The following RNF217 variants were observed in gnomAD, a reference collection of about 807,000 sequenced individuals.
RNF217 encodes the protein ring finger protein 217.
A neutral mutation model predicts 57.8 loss-of-function variants in RNF217; 31 were observed. The ratio of observed to expected loss-of-function variants is 0.54; its 90% confidence interval spans 0.40 to 0.72. RNF217 has a LOEUF of 0.72. RNF217 is among the 30% of genes least tolerant of loss of function. The pLI, the probability that RNF217 is intolerant of heterozygous loss-of-function variation, is 0.00. For synonymous variants in RNF217, 313 were observed against 294.0 expected, an observed-to-expected ratio of 1.06 and a Z score of -0.66; for missense variants, 696 against 708.3, an observed-to-expected ratio of 0.98 and a Z score of 0.20.
intron 1 of RNF217, among the ~76,000 whole-genome samples, chr6:124,992,066 C>A (rs554498327): frequency 6.6e-6 from 1 of 152,204 alleles, no homozygotes; most frequent in South Asian, 2.1e-4. Flanking sequence ...GTTAACATTG[C>A]AAATTCTGAT....
chr6:125,030,946 C>T (rs1421757541), intron 1 of RNF217, among the ~76,000 whole-genome samples: 1 of 152,222 alleles, frequency 6.6e-6, no homozygotes, highest in Non-Finnish European at 1.5e-5. Context: ...CACACTTTTG[C>T]CTGGGCATCC....
chr6:125,057,803 C>T lies in RNF217; in HGVS notation c.1117-139C>T, dbSNP rs1340784568. The stretch of plus-strand genomic sequence containing the variant: ...TGTAGTAACAGAGTATTCATATCTT[C>T]CTGTAGTTTGAGTCTTATAGAGGGG... On this transcript the variant is annotated intron_variant, in intron 2 of 5. Coordinates refer to ENST00000521654, the MANE Select transcript of RNF217 (RefSeq NM_001286398.3). 3 of 611,310 alleles carry T rather than the reference C, an allele frequency of 4.9e-6. No homozygotes were observed. In the African/African-American group the frequency reaches 5.6e-5, roughly 11 times the overall value. 37.9% of individuals were successfully genotyped at this position (611,310 alleles called of 1,614,324 possible).
intron 2 of RNF217, among the ~76,000 whole-genome samples, chr6:125,047,912 T>A (rs915910137): frequency 1.3e-5 from 2 of 152,082 alleles, no homozygotes; most frequent in African/African-American, 4.8e-5. Flanking sequence ...AATTTGAGGA[T>A]GATTATTTTT....
At chr6:125,030,788 C>A (rs372398538) in intron 1 of RNF217, among the ~76,000 whole-genome samples, 2 of 152,052 alleles carry the variant, frequency 1.3e-5, no homozygotes, top group Non-Finnish European at 1.5e-5. Flanking sequence ...GGTGGATGTA[C>A]CATTCTGGGG....
chr6:125,050,802 AAC>A (rs1423898595), intron 2 of RNF217, among the ~76,000 whole-genome samples: 1 of 151,716 alleles, frequency 6.6e-6, no homozygotes, highest in Non-Finnish European at 1.5e-5. Context: ...GGTAGCTTAC[AAC>A]ACACACTGAT....
At chr6:125,028,766 G>GTT (rs886739227) in intron 1 of RNF217, among the ~76,000 whole-genome samples, 1 of 147,982 alleles carries the variant, frequency 6.8e-6, no homozygotes, top group African/African-American at 2.5e-5. Context: ...TTAAAATAAG[G>GTT]TTTTTTTTTT....
intron 3 of RNF217, among the ~76,000 whole-genome samples, chr6:125,071,534 G>A (rs62433884): frequency 0.5 from 68,789 of 138,776 alleles, 16,346 homozygotes; most frequent in Middle Eastern, 0.56. Flanking sequence ...GTGTGTGTGT[G>A]TGTATATCTT....
intron 1 of RNF217, among the ~76,000 whole-genome samples, chr6:125,043,470 A>G (rs927117097): frequency 1.3e-5 from 2 of 151,956 alleles, no homozygotes; most frequent in East Asian, 3.9e-4. Flanking sequence ...CTTTACTGAC[A>G]TGTTCCTGCA....
chr6:124,987,207 T>A (rs920160255), intron 1 of RNF217, among the ~76,000 whole-genome samples: 6 of 152,220 alleles, frequency 3.9e-5, no homozygotes, highest in African/African-American at 9.6e-5. Context: ...ATGGATTTTT[T>A]AAAAATTCCT....
chr6:125,081,473 G>C lies in RNF217; in HGVS notation c.1521G>C (p.Leu507Phe). The change falls in exon 5 of 6, where the codon TTG becomes TTC. Residue 507 changes from leucine to phenylalanine, a missense_variant. Leu to Phe is a conservative substitution (Grantham distance 22). This residue lies in a region of RNF217 where 231 missense variants were observed against 321.4 expected (regional missense o/e 0.72). Transcript: ENST00000521654. ...KLFIAPLIMVLGLALGAIAVV... is the reference protein window; with the variant it reads ...KLFIAPLIMVFGLALGAIAVV... ...TCATTGCACCTCTAATTATGGTTTT[G>C]GGATTGGCACTAGGGGCCATAGCGG... 6.2e-7 allele frequency: 1 copy of C among 1,611,530 alleles called. No individual in the cohort carries two copies. The highest frequency in any genetic ancestry group is 8.5e-7 in the Non-Finnish European group (1 of 1,178,374).
chr6:124,975,637 A>G (rs977861590), intron 1 of RNF217, among the ~76,000 whole-genome samples: 1 of 152,116 alleles, frequency 6.6e-6, no homozygotes, highest in Non-Finnish European at 1.5e-5. Flanking sequence ...GAGTTCTGCC[A>G]TGTTGCCCAG....
At chr6:124,987,137 T>C (rs984078609) in intron 1 of RNF217, among the ~76,000 whole-genome samples, 2 of 152,234 alleles carry the variant, frequency 1.3e-5, no homozygotes, top group Non-Finnish European at 2.9e-5. Flanking sequence ...TAGAATTTCA[T>C]TACAGTGCAG....
intron 1 of RNF217, among the ~76,000 whole-genome samples, chr6:124,964,612 A>G (rs139268641): frequency 6.6e-6 from 1 of 152,336 alleles, no homozygotes; most frequent in East Asian, 1.9e-4. Context: ...CTAACTAAAA[A>G]TGCAAACAAA....
At chr6:125,069,522 A>G (rs1386296901) in intron 3 of RNF217, among the ~76,000 whole-genome samples, 1 of 152,156 alleles carries the variant, frequency 6.6e-6, no homozygotes, top group Non-Finnish European at 1.5e-5. Flanking sequence ...TCCATGATCT[A>G]TATATACCAC....
intron 3 of RNF217, among the ~76,000 whole-genome samples, chr6:125,062,733 T>C (rs976499741): frequency 2.0e-5 from 3 of 152,038 alleles, no homozygotes; most frequent in African/African-American, 2.4e-5. Context: ...CCCACCACCA[T>C]GCCCGGCTAA....
chr6:125,034,336 A>G (rs1419824665), intron 1 of RNF217, among the ~76,000 whole-genome samples: 1 of 152,146 alleles, frequency 6.6e-6, no homozygotes, highest in Non-Finnish European at 1.5e-5. Context: ...TAGGTCTAAC[A>G]TTTAAGTCTT....
intron 4 of RNF217, among the ~76,000 whole-genome samples, chr6:125,081,066 A>C (rs1788556014): frequency 6.6e-6 from 1 of 152,074 alleles, no homozygotes; most frequent in Non-Finnish European, 1.5e-5. Flanking sequence ...ACCAACTCAA[A>C]ATGTGCCACT....
At chr6:125,070,681 T>C (rs943919206) in intron 3 of RNF217, among the ~76,000 whole-genome samples, 4 of 152,242 alleles carry the variant, frequency 2.6e-5, no homozygotes, top group African/African-American at 9.6e-5. Context: ...TTGTCCACTT[T>C]TTTATGGGAT....
chr6:125,004,665 T>C lies in RNF217; in HGVS notation c.883-40546T>C, dbSNP rs187903996. ...AGGCCTAAGTCTTTTTAAATGATCC[T>C]CTGTTTCACTTGTTGTTGAAAGGGA... On this transcript the variant is annotated intron_variant, in intron 1 of 5. Coordinates refer to ENST00000521654, the MANE Select transcript of RNF217 (RefSeq NM_001286398.3). 7.7e-4 allele frequency among the ~76,000 whole-genome samples: 117 copies of C among 152,316 alleles called. 1 individual carries two copies. The highest frequency in any genetic ancestry group is 3.8e-4 in the Non-Finnish European group (26 of 68,032).
Sources: allele counts gnomAD v4.1 joint callset (sites outside exome capture counted in the v4.1 genomes callset), GRCh38; gene constraint gnomAD v4.1.1; regional missense constraint gnomAD v4.1.1; transcripts MANE v1.5; gene names NCBI Gene and HGNC (gene_info 2026-07-23, HGNC 2026-07-21).